PHLPP1: variants seen among roughly 807,000 people sequenced by gnomAD.
PHLPP1 encodes PH domain leucine-rich repeat-containing protein phosphatase 1.
In PHLPP1, 42 loss-of-function variants were observed where a neutral mutation model predicts 117.2. The observed-to-expected ratio is 0.36, with a 90% CI of 0.28 to 0.46. The LOEUF (loss-of-function observed/expected upper bound fraction) is 0.46. Among genes scored for constraint, PHLPP1 ranks in the 20% least tolerant of loss-of-function variants. The pLI, the probability that PHLPP1 is intolerant of heterozygous loss-of-function variation, is 1.00. For missense variants in PHLPP1, 2,084 were observed against 2,241.9 expected, an observed-to-expected ratio of 0.93 and a Z score of 1.42; for synonymous variants, 1,042 against 970.7, an observed-to-expected ratio of 1.07 and a Z score of -1.37.
chr18:62,894,353 G>A (rs1385314810), intron 4 of PHLPP1, among the ~76,000 whole-genome samples: 1 of 152,042 alleles, frequency 6.6e-6, no homozygotes, highest in Non-Finnish European at 1.5e-5. Context: ...GCACCACCAG[G>A]CCCGGCTAAT....
At chr18:62,929,836 C>A (rs1490716922) in intron 10 of PHLPP1, among the ~76,000 whole-genome samples, 1 of 152,152 alleles carries the variant, frequency 6.6e-6, no homozygotes, top group African/African-American at 2.4e-5. Flanking sequence ...AGAGTCACAG[C>A]TGCTTGAGAG....
chr18:62,806,147 A>G (rs989208493), intron 1 of PHLPP1, among the ~76,000 whole-genome samples: 2 of 152,148 alleles, frequency 1.3e-5, no homozygotes, highest in Non-Finnish European at 2.9e-5. Context: ...GAGAAGTGCT[A>G]TCTTTATTTG....
At chr18:62,912,323 A>AT (rs1191223468) in intron 8 of PHLPP1, among the ~76,000 whole-genome samples, 1 of 145,966 alleles carries the variant, frequency 6.9e-6, no homozygotes, top group African/African-American at 2.5e-5. Context: ...AATTAAAAAA[A>AT]AAATAATAAA....
chr18:62,799,268 T>C (rs997386980), intron 1 of PHLPP1, among the ~76,000 whole-genome samples: 6 of 152,242 alleles, frequency 3.9e-5, no homozygotes, highest in Admixed American at 2.6e-4. Context: ...ATTTGGTTTA[T>C]ATCAGTGAGC....
Position 62,716,032 on chromosome 18 carries a change from A to C in PHLPP1, c.349A>C (p.Asn117His). The part of the protein sequence containing the change: ...APVPGAGGGA[N>H]SLLLRRGRLK... ...CGTACCCGGGGCCGGCGGCGGCGCCAACTCCCTCCTGCTGAGGAGAGGGCG... is the reference window on the plus strand; with the variant it reads ...CGTACCCGGGGCCGGCGGCGGCGCCCACTCCCTCCTGCTGAGGAGAGGGCG... The change falls in exon 1 of 17, where the codon AAC becomes CAC. Residue 117 changes from asparagine (N) to histidine (H), a missense_variant. By Grantham distance (68) the Asn-to-His change is moderately conservative (BLOSUM62 1). Around this residue, in one of 2 missense-constraint regions of PHLPP1, gnomAD observed 719 missense variants for 636.0 expected, o/e 1.13. Coordinates refer to ENST00000262719, the MANE Select transcript of PHLPP1 (RefSeq NM_194449.4). The surrounding 1 kb of genome is among the most constrained non-coding windows in gnomAD (Gnocchi z 5.7). The C allele has an allele frequency of 2.1e-6, 3 of 1,403,576 alleles. No individual in the cohort carries two copies. Among genetic ancestry groups the C allele is most frequent in the Non-Finnish European group, 1.8e-6 (2 of 1,088,238 alleles). The allele number at this position is 1,403,576 out of a possible 1,614,324, so 86.9% of individuals were successfully genotyped here.
chr18:62,800,317 C>T (rs1333761454), intron 1 of PHLPP1, among the ~76,000 whole-genome samples: 1 of 152,122 alleles, frequency 6.6e-6, no homozygotes, highest in African/African-American at 2.4e-5. Flanking sequence ...TCTTCGTTTG[C>T]GTTATAAATT....
At chr18:62,766,722 A>C (rs1454920920) in intron 1 of PHLPP1, among the ~76,000 whole-genome samples, 2 of 152,118 alleles carry the variant, frequency 1.3e-5, no homozygotes. Context: ...ATATCAGATA[A>C]ATATATATTT....
intron 10 of PHLPP1, among the ~76,000 whole-genome samples, chr18:62,926,546 G>T (rs549371003): frequency 2.2e-4 from 34 of 152,262 alleles, no homozygotes; most frequent in Admixed American, 1.2e-3. Context: ...CCAGTGAGGG[G>T]TGTGCGTATC....
intron 1 of PHLPP1, among the ~76,000 whole-genome samples, chr18:62,739,888 A>C (rs558476612): frequency 6.6e-6 from 1 of 152,300 alleles, no homozygotes; most frequent in African/African-American, 2.4e-5. Context: ...CGAGCTCATC[A>C]ACCAAGTAAT....
chr18:62,917,845 GCAAGGCAATGATT>G (rs1909340540), intron 9 of PHLPP1, among the ~76,000 whole-genome samples: 1 of 151,368 alleles, frequency 6.6e-6, no homozygotes, highest in Non-Finnish European at 1.5e-5. Context: ...AAAAATTCAG[GCAAGGCAATGATT>G]CATTAAAATT....
intron 1 of PHLPP1, 55 bp from the exon 2 acceptor site, chr18:62,829,980 A>T: frequency 7.7e-7 from 1 of 1,300,706 alleles, no homozygotes. Flanking sequence ...TATGTAGATG[A>T]GTAGGAAAAG....
Position 62,749,744 on chromosome 18 carries a change from C to T in PHLPP1, c.1576+32485C>T, listed in dbSNP as rs115772741. Among the ~76,000 whole-genome samples, 1,039 of 152,290 alleles carry T rather than the reference C, an allele frequency of 6.8e-3. 8 individuals carry two copies. Among genetic ancestry groups the T allele is most frequent in the African/African-American group, 0.024 (1,004 of 41,552 alleles). ...TATAAGAATACCAGTCAGGGTTGGGCGCGGTGGCTCATGCCTGTAATCCCT... is the reference window on the plus strand; with the variant it reads ...TATAAGAATACCAGTCAGGGTTGGGTGCGGTGGCTCATGCCTGTAATCCCT... On this transcript the variant is annotated intron_variant, in intron 1 of 16. Transcript: ENST00000262719.
chr18:62,952,260 T>C (rs1910485314), intron 12 of PHLPP1, among the ~76,000 whole-genome samples: 1 of 152,172 alleles, frequency 6.6e-6, no homozygotes, highest in Non-Finnish European at 1.5e-5. Flanking sequence ...ACCTTGTCTC[T>C]TTGGGGATAA....
chr18:62,747,027 A>T (rs1024100484), intron 1 of PHLPP1, among the ~76,000 whole-genome samples: 4 of 152,074 alleles, frequency 2.6e-5, no homozygotes, highest in African/African-American at 7.2e-5. Context: ...ATTTAAGTCT[A>T]CTACATTTCA....
At chr18:62,916,997 G>T (rs1195621143) in intron 9 of PHLPP1, among the ~76,000 whole-genome samples, 3 of 149,836 alleles carry the variant, frequency 2.0e-5, no homozygotes, top group African/African-American at 4.9e-5. Flanking sequence ...CAGGTGATCC[G>T]CCTGCCTCAG....
chr18:62,936,596 A>G (rs1025382775), intron 10 of PHLPP1, among the ~76,000 whole-genome samples: 9 of 152,236 alleles, frequency 5.9e-5, no homozygotes, highest in Non-Finnish European at 1.3e-4. Flanking sequence ...AATATCTCCA[A>G]TAATAAGACA....
At position 62,979,592 on chromosome 18, in the gene PHLPP1, A is replaced by AT. The variant is rs942090143; in HGVS notation, c.*168dup. ...TCTGTAGGTTCTCTTTCTTTGGGTT[A>AT]TTTTTTTAAGTAATCACCACTTTCT... On this transcript the variant is annotated 3_prime_UTR_variant, in exon 17 of 17. Transcript: ENST00000262719. 6.6e-6 allele frequency: 5 copies of AT among 762,810 alleles called. No homozygotes were observed. The highest frequency in any genetic ancestry group is 5.3e-5 in the African/African-American group (3 of 56,742). 47.3% of individuals were successfully genotyped at this position (762,810 alleles called of 1,614,324 possible). A position where few individuals can be genotyped will look rare whatever the true frequency, so the allele number is the denominator to read the frequency against.
At chr18:62,915,818 A>G (rs751231559) in intron 9 of PHLPP1, among the ~76,000 whole-genome samples, 4 of 152,200 alleles carry the variant, frequency 2.6e-5, no homozygotes, top group Non-Finnish European at 5.9e-5. Flanking sequence ...CAATGTGGCT[A>G]ATGTGACTGA....
At chr18:62,955,407 C>G (rs1038317046) in intron 12 of PHLPP1, among the ~76,000 whole-genome samples, 1 of 152,156 alleles carries the variant, frequency 6.6e-6, no homozygotes, top group Admixed American at 6.5e-5. Context: ...ATCCTGACAG[C>G]ATACAAGGAG....
Sources: allele counts gnomAD v4.1 joint callset (sites outside exome capture counted in the v4.1 genomes callset), GRCh38; gene constraint gnomAD v4.1.1; regional missense constraint gnomAD v4.1.1; non-coding constraint Gnocchi (gnomAD v3.1); transcripts MANE v1.5; gene names NCBI Gene and HGNC (gene_info 2026-07-23, HGNC 2026-07-21).